RAVER2: variants seen among roughly 807,000 people sequenced by gnomAD.
RAVER2 encodes ribonucleoprotein PTB-binding 2.
Under a neutral mutation model 78.1 loss-of-function variants are expected in RAVER2, and 46 were observed. That is an observed-to-expected ratio of 0.59 (90% CI 0.46 to 0.75). The LOEUF is 0.75. RAVER2 is among the 30% of genes least tolerant of loss of function. The probability of loss-of-function intolerance (pLI) is 0.00; values close to 1 mark genes in which losing one functional copy is unlikely to be tolerated. For synonymous variants in RAVER2, 311 were observed against 313.3 expected, an observed-to-expected ratio of 0.99 and a Z score of 0.08; for missense variants, 793 against 837.5, an observed-to-expected ratio of 0.95 and a Z score of 0.66.
intron 10 of RAVER2, among the ~76,000 whole-genome samples, chr1:64,813,864 C>T (rs1022764764): frequency 1.1e-4 from 16 of 142,636 alleles, no homozygotes; most frequent in Admixed American, 4.1e-4. Context: ...CACACACACA[C>T]ACACACACAC....
intron 5 of RAVER2, among the ~76,000 whole-genome samples, chr1:64,798,650 A>C (rs983161382): frequency 2.0e-5 from 3 of 152,176 alleles, no homozygotes; most frequent in African/African-American, 7.2e-5. Flanking sequence ...TAATACATCT[A>C]GGGCTTTGTA....
At chr1:64,791,614 TG>T (rs1371204422) in intron 5 of RAVER2, among the ~76,000 whole-genome samples, 8 of 152,216 alleles carry the variant, frequency 5.3e-5, no homozygotes, top group Non-Finnish European at 1.0e-4. Context: ...GAAGCAGCTT[TG>T]GTAGTTTTCT....
intron 5 of RAVER2, among the ~76,000 whole-genome samples, chr1:64,797,425 G>C (rs765596841): frequency 3.9e-5 from 6 of 152,114 alleles, no homozygotes; most frequent in Non-Finnish European, 8.8e-5. Flanking sequence ...TAAACTGGAA[G>C]GTACTGTGTT....
At chr1:64,793,612 T>C (rs1023530655) in intron 5 of RAVER2, among the ~76,000 whole-genome samples, 1 of 152,222 alleles carries the variant, frequency 6.6e-6, no homozygotes, top group Non-Finnish European at 1.5e-5. Context: ...TTGAAGTGTA[T>C]GAATTGATAT....
At chr1:64,779,528 C>A (rs910388596) in intron 3 of RAVER2, among the ~76,000 whole-genome samples, 1 of 146,242 alleles carries the variant, frequency 6.8e-6, no homozygotes, top group Non-Finnish European at 1.5e-5. Flanking sequence ...ATTACTATGC[C>A]CAACTACTTT....
At position 64,778,048 on chromosome 1, in the gene RAVER2, C is replaced by T. The variant is rs371245537; in HGVS notation, c.742C>T (p.Leu248=). ...CAGTGACTACAGGGATTCAGAAGAG[C>T]TGTTGCAAATTTTTTCCAGTGTCCA... The change falls in exon 3 of 12, where the codon CTG becomes TTG. Residue 248 remains leucine (L), a synonymous_variant. Transcript: ENST00000294428. The T allele has an allele frequency of 1.9e-6, 3 of 1,613,488 alleles. No homozygotes were observed. The South Asian group carries it at 3.3e-5, about 18-fold the overall frequency.
chr1:64,773,131 A>G (rs1207042347), intron 2 of RAVER2, among the ~76,000 whole-genome samples: 3 of 152,104 alleles, frequency 2.0e-5, no homozygotes, highest in African/African-American at 7.2e-5. Flanking sequence ...CAGGTTTCCA[A>G]TTTCTGGGTG....
chr1:64,789,482 A>T, exon 5 of RAVER2: 1 of 1,608,576 alleles, frequency 6.2e-7, no homozygotes, highest in Non-Finnish European at 8.5e-7. Context: ...GTTCTTCTAC[A>T]GCCCCAGTTA....
intron 1 of RAVER2, among the ~76,000 whole-genome samples, chr1:64,754,546 G>T (rs1172269278): frequency 6.6e-6 from 1 of 152,038 alleles, no homozygotes; most frequent in Non-Finnish European, 1.5e-5. Flanking sequence ...AGCTTTTTTG[G>T]CAGGGAACTC....
At chr1:64,817,807 C>A (rs955551520) in intron 11 of RAVER2, among the ~76,000 whole-genome samples, 46 of 151,914 alleles carry the variant, frequency 3.0e-4, no homozygotes, top group East Asian at 5.8e-4. Context: ...ATGTAAATGA[C>A]GAGCTAATGG....
chr1:64,773,923 G>T (rs1054488572), intron 2 of RAVER2, among the ~76,000 whole-genome samples: 4 of 152,154 alleles, frequency 2.6e-5, no homozygotes, highest in Non-Finnish European at 5.9e-5. Context: ...GCATTTCTCT[G>T]ATGACCAGTG....
chr1:64,797,754 C>T (rs534849873), intron 5 of RAVER2, among the ~76,000 whole-genome samples: 1 of 151,812 alleles, frequency 6.6e-6, no homozygotes, highest in Non-Finnish European at 1.5e-5. Context: ...TTAATATCAC[C>T]GTATCTATCT....
chr1:64,825,683 G>A (rs937412590), intron 11 of RAVER2, among the ~76,000 whole-genome samples: 3 of 152,112 alleles, frequency 2.0e-5, no homozygotes, highest in Non-Finnish European at 4.4e-5. Context: ...ATTGACATGA[G>A]CTTAAAAATT....
At position 64,803,283 on chromosome 1, in the gene RAVER2, C is replaced by T. The variant is rs140047708; in HGVS notation, c.1191+222C>T. Among the ~76,000 whole-genome samples the T allele has an allele frequency of 5.3e-3, 810 of 152,074 alleles. 1 individual carries two copies. The highest frequency in any genetic ancestry group is 7.8e-3 in the Non-Finnish European group (531 of 67,972). On this transcript the variant is annotated intron_variant, in intron 6 of 11. Transcript: ENST00000294428. The stretch of plus-strand genomic sequence containing the variant: ...TGTACCATGATAAATATTATTGATT[C>T]CAATTTGTATGGCATTAAGAAGGAA...
At chr1:64,753,802 G>A (rs1169145290) in intron 1 of RAVER2, among the ~76,000 whole-genome samples, 6 of 152,112 alleles carry the variant, frequency 3.9e-5, no homozygotes, top group Non-Finnish European at 7.4e-5. Context: ...GATTACAGGC[G>A]TGAGCCACCG....
rs1651506078 is a variant in RAVER2, at chr1:64,745,562, CT to C, written c.249+142del. On this transcript the variant is annotated intron_variant, in intron 1 of 11. Coordinates refer to ENST00000294428, the Ensembl canonical transcript of RAVER2. This position sits in a 1 kb window ranked among gnomAD's most constrained non-coding sequence, Gnocchi z 4.3. ...TGGTGAGAGCGGCCCCTCGGTTTGA[CT>C]GAGTTCTTGGGGTTTCTAGCCTGCA... The C allele has an allele frequency of 8.6e-6, 10 of 1,166,876 alleles. No homozygotes were observed. Among genetic ancestry groups the C allele is most frequent in the Non-Finnish European group, 1.1e-5 (10 of 894,612 alleles). The allele number at this position is 1,166,876 out of a possible 1,614,324, so 72.3% of individuals were successfully genotyped here. A position where few individuals can be genotyped will look rare whatever the true frequency, so the allele number is the denominator to read the frequency against.
chr1:64,754,060 T>C (rs1651781237), intron 1 of RAVER2, among the ~76,000 whole-genome samples: 1 of 152,184 alleles, frequency 6.6e-6, no homozygotes, highest in Non-Finnish European at 1.5e-5. Flanking sequence ...TAATAACCTT[T>C]GTTTTTTGGG....
At chr1:64,785,646 G>A (rs1652759452) in intron 4 of RAVER2, among the ~76,000 whole-genome samples, 3 of 152,102 alleles carry the variant, frequency 2.0e-5, no homozygotes. Context: ...TGGGATTACA[G>A]GAGTGAGCCA....
intron 2 of RAVER2, among the ~76,000 whole-genome samples, chr1:64,773,258 T>G (rs1458331638): frequency 6.6e-6 from 1 of 152,122 alleles, no homozygotes; most frequent in African/African-American, 2.4e-5. Context: ...TACATAGATA[T>G]ACATGTGCCA....
Sources: allele counts gnomAD v4.1 joint callset (sites outside exome capture counted in the v4.1 genomes callset), GRCh38; gene constraint gnomAD v4.1.1; non-coding constraint Gnocchi (gnomAD v3.1); transcripts MANE v1.5; gene names NCBI Gene and HGNC (gene_info 2026-07-23, HGNC 2026-07-21).